Variants in OSBPL10 observed in about 807,000 individuals in gnomAD.
The protein encoded by OSBPL10 is oxysterol-binding protein-related protein 10.
In OSBPL10, 49 loss-of-function variants were observed where a neutral mutation model predicts 81.7. The ratio of observed to expected loss-of-function variants is 0.60; its 90% CI spans 0.48 to 0.76. The LOEUF is 0.76. Ranked by LOEUF, OSBPL10 falls within the 30% of genes least tolerant of loss-of-function variation. The pLI, the probability that OSBPL10 is intolerant of heterozygous loss-of-function variation, is 0.00. For missense variants in OSBPL10, 923 were observed against 987.8 expected, an observed-to-expected ratio of 0.93 and a Z score of 0.88; for synonymous variants, 419 against 383.6, an observed-to-expected ratio of 1.09 and a Z score of -1.08.
chr3:31,948,830 C>G (rs948344714), intron 1 of OSBPL10, among the ~76,000 whole-genome samples: 2 of 152,160 alleles, frequency 1.3e-5, no homozygotes, highest in Non-Finnish European at 2.9e-5. Flanking sequence ...TTAAGGAGAA[C>G]TTCAGAATCA....
At chr3:31,689,717 G>GCT (rs1477667300) in intron 7 of OSBPL10, among the ~76,000 whole-genome samples, 2 of 152,200 alleles carry the variant, frequency 1.3e-5, no homozygotes, top group East Asian at 1.9e-4. Flanking sequence ...TCCCAAACAA[G>GCT]CTCTCTCTCT....
intron 1 of OSBPL10, among the ~76,000 whole-genome samples, chr3:31,972,304 G>A (rs928636733): frequency 2.0e-5 from 3 of 152,190 alleles, no homozygotes; most frequent in Non-Finnish European, 2.9e-5. Context: ...CAGAAGAATC[G>A]CTTGAACCCA....
chr3:31,842,874 A>G lies in OSBPL10; in HGVS notation c.538-12643T>C, dbSNP rs116322376. Among the ~76,000 whole-genome samples the G allele has an allele frequency of 4.8e-3, 725 of 152,338 alleles. 4 individuals carry two copies. Among genetic ancestry groups the G allele is most frequent in the African/African-American group, 0.017 (694 of 41,578 alleles). On this transcript the variant is annotated intron_variant, in intron 3 of 11. Coordinates refer to ENST00000396556, the MANE Select transcript of OSBPL10 (RefSeq NM_017784.5). ...GGGGACAAAAACATGACCTTCACCC[A>G]GAGCCAGGCTGAGAATACGTTCCAT...
intron 6 of OSBPL10, chr3:31,709,168 G>T: frequency 2.4e-6 from 1 of 418,408 alleles, no homozygotes; most frequent in East Asian, 1.6e-4. Flanking sequence ...GCTAGTCCCA[G>T]CTGCCTTTCG....
At position 31,836,880 on chromosome 3, in the gene OSBPL10, A is replaced by C. The variant is rs138611887; in HGVS notation, c.538-6649T>G. Among the ~76,000 whole-genome samples the C allele has an allele frequency of 3.1e-3, 471 of 152,286 alleles. 3 individuals are homozygous for C. The highest frequency in any genetic ancestry group is 0.01 in the African/African-American group (424 of 41,560). ...TGAAAAATTGTCTTTCTGCTGACAA[A>C]GCTCAATTCACTGCATTTCTCATGC... On this transcript the variant is annotated intron_variant, in intron 3 of 11. Coordinates refer to ENST00000396556, the MANE Select transcript of OSBPL10 (RefSeq NM_017784.5).
At chr3:31,821,468 T>TAA (rs1315656959) in intron 4 of OSBPL10, among the ~76,000 whole-genome samples, 1 of 152,192 alleles carries the variant, frequency 6.6e-6, no homozygotes, top group Non-Finnish European at 1.5e-5. Flanking sequence ...TCTGCTCTCA[T>TAA]AAAACACCAA....
rs913361790 is a variant in OSBPL10 at position 31,957,396 on chromosome 3, C to G, written c.281+23503G>C. ...AAGCAACCCAGAGCCACAGTGGCAGCTGAGGCAAGGGAACTGCACTGGCGA... is the reference window on the plus strand; with the variant it reads ...AAGCAACCCAGAGCCACAGTGGCAGGTGAGGCAAGGGAACTGCACTGGCGA... On this transcript the variant is annotated intron_variant, in intron 1 of 11. Transcript: ENST00000396556. 5.9e-5 allele frequency among the ~76,000 whole-genome samples: 9 copies of G among 152,272 alleles called. No individual in the cohort carries two copies. In the East Asian group the frequency reaches 1.7e-3, roughly 29 times the overall value.
intron 2 of OSBPL10, among the ~76,000 whole-genome samples, chr3:31,992,145 CAAA>C (rs527764918): frequency 6.1e-5 from 4 of 65,542 alleles, no homozygotes; most frequent in Non-Finnish European, 7.0e-5. Flanking sequence ...GACTCCATCT[CAAA>C]AAAAAAAAAA....
chr3:31,994,790 T>C (rs150786672), intron 2 of OSBPL10, among the ~76,000 whole-genome samples: 345 of 152,306 alleles, frequency 2.3e-3, no homozygotes, highest in African/African-American at 7.7e-3. Context: ...TGAAAGGCCA[T>C]AAAACAAATA....
intron 3 of OSBPL10, among the ~76,000 whole-genome samples, chr3:31,839,110 TC>T (rs1022203810): frequency 2.0e-5 from 3 of 151,962 alleles, no homozygotes; most frequent in Non-Finnish European, 2.9e-5. Flanking sequence ...GAGCAATAAA[TC>T]CCCCCAACCT....
intron 4 of OSBPL10, among the ~76,000 whole-genome samples, chr3:31,777,718 C>G (rs890524665): frequency 4.6e-5 from 7 of 152,192 alleles, no homozygotes; most frequent in African/African-American, 1.7e-4. Flanking sequence ...GGGGAGAAAC[C>G]TGCCTCCAAA....
At chr3:31,929,208 CCAA>C (rs1279601018) in intron 1 of OSBPL10, among the ~76,000 whole-genome samples, 2 of 152,296 alleles carry the variant, frequency 1.3e-5, no homozygotes, top group African/African-American at 2.4e-5. Flanking sequence ...GGATGCTTTT[CCAA>C]CATCATAAAA....
At position 31,946,824 on chromosome 3, in the gene OSBPL10, G is replaced by A. The variant is rs142913859; in HGVS notation, c.281+34075C>T. ...TTTTAGTGTTGCATGCTTTAGAAAA[G>A]TTACCATGGAGATGGTGTTGAGGTG... On this transcript the variant is annotated intron_variant, in intron 1 of 11. Coordinates refer to ENST00000396556, the MANE Select transcript of OSBPL10 (RefSeq NM_017784.5). Among the ~76,000 whole-genome samples, 498 of 151,656 alleles carry A rather than the reference G, an allele frequency of 3.3e-3. 2 individuals are homozygous for A. Among genetic ancestry groups the A allele is most frequent in the African/African-American group, 0.011 (473 of 41,190 alleles).
At chr3:31,761,471 C>CAA (rs112468280) in intron 4 of OSBPL10, among the ~76,000 whole-genome samples, 38 of 56,018 alleles carry the variant, frequency 6.8e-4, no homozygotes, top group African/African-American at 1.9e-3. Flanking sequence ...GACTCCATTT[C>CAA]AAAAAAAAAA....
At chr3:32,049,868 T>G (rs552212276) in intron 1 of OSBPL10, among the ~76,000 whole-genome samples, 7 of 152,204 alleles carry the variant, frequency 4.6e-5, no homozygotes, top group Non-Finnish European at 1.0e-4. Context: ...TGGGTAGGTC[T>G]TTCTCTGGCC....
At chr3:31,998,658 T>G (rs1233667234) in intron 2 of OSBPL10, among the ~76,000 whole-genome samples, 1 of 152,238 alleles carries the variant, frequency 6.6e-6, no homozygotes, top group African/African-American at 2.4e-5. Flanking sequence ...AATTCCCCAC[T>G]TTATAGCTGT....
intron 4 of OSBPL10, among the ~76,000 whole-genome samples, chr3:31,797,272 C>T (rs1332511760): frequency 6.6e-6 from 1 of 151,924 alleles, no homozygotes; most frequent in Non-Finnish European, 1.5e-5. Context: ...GGATTACAGG[C>T]GTGAGCCACT....
At chr3:31,664,332 G>A in intron 10 of OSBPL10, 100 bp from the exon 11 acceptor site, 1 of 1,273,862 alleles carries the variant, frequency 7.9e-7, no homozygotes, top group Non-Finnish European at 1.1e-6. Context: ...GGGCCGCCAG[G>A]CAAGCCCCCT....
intron 10 of OSBPL10, chr3:31,664,588 CTCTTTAA>C: frequency 2.9e-6 from 1 of 342,412 alleles, no homozygotes; most frequent in South Asian, 3.4e-5. Context: ...ATACATAAAC[CTCTTTAA>C]TCCTCACAGC....
Sources: gnomAD v4.1 joint callset for allele counts (sites outside exome capture counted in the v4.1 genomes callset) on GRCh38, gnomAD v4.1.1 for gene constraint, MANE v1.5 for transcripts, NCBI Gene and HGNC (gene_info 2026-07-23, HGNC 2026-07-21) for gene names.